DPY19L4: variants seen among roughly 807,000 people sequenced by gnomAD.
DPY19L4 encodes the protein dpy-19 like 4, also known as probable C-mannosyltransferase DPY19L4.
A neutral mutation model predicts 102.8 loss-of-function variants in DPY19L4; 97 were observed. The observed-to-expected ratio is 0.94, with a 90% CI of 0.80 to 1.12. The LOEUF (loss-of-function observed/expected upper bound fraction) is 1.12. Among genes scored for constraint, DPY19L4 ranks in the 50% most tolerant of loss-of-function variants. The pLI, the probability that DPY19L4 is intolerant of heterozygous loss-of-function variation, is 0.00. For missense variants in DPY19L4, 815 were observed against 850.4 expected (o/e 0.96, Z 0.52); for synonymous variants, 252 against 283.1 (o/e 0.89, Z 1.10).
Position 94,769,061 on chromosome 8 carries a change from TG to T in DPY19L4, c.1334+509del, listed in dbSNP as rs1242662591. Among the ~76,000 whole-genome samples, 29 of 147,484 alleles carry T rather than the reference TG, an allele frequency of 2.0e-4. 1 individual carries two copies. Among genetic ancestry groups the T allele is most frequent in the East Asian group, 3.9e-4 (2 of 5,092 alleles). On this transcript the variant is annotated intron_variant, in intron 12 of 18. Transcript: ENST00000414645. Reference sequence around the variant, plus strand: ...CAGAAAAATTTAAACTTAGTTTTTTTGTTTTTTTTTTTTTTTTGAGACGGAG... The same window carrying T: ...CAGAAAAATTTAAACTTAGTTTTTTTTTTTTTTTTTTTTTTTGAGACGGAG...
intron 18 of DPY19L4, among the ~76,000 whole-genome samples, chr8:94,788,279 T>C (rs1813744269): frequency 6.6e-6 from 1 of 152,028 alleles, no homozygotes; most frequent in African/African-American, 2.4e-5. Context: ...ATAATAATGG[T>C]ATTACCAATA....
rs762276307 is a variant in DPY19L4, at chr8:94,787,994, AG to A, written c.1951del (p.Val651TrpfsTer4). ...YLIVEDAICN[E>X]VGPMRGCRVK... The stretch of plus-strand genomic sequence containing the variant: ...ATTGTAGAGGATGCTATCTGCAATG[AG>A]GTGGGACCCATGAGAGGCTGTAGGG... On this transcript the variant is annotated frameshift_variant, in exon 18 of 19. Transcript: ENST00000414645. LOFTEE classifies it high-confidence loss of function. The A allele has an allele frequency of 2.0e-4, 305 of 1,516,088 alleles. No homozygotes were observed. Among genetic ancestry groups the A allele is most frequent in the Non-Finnish European group, 2.6e-4 (294 of 1,133,400 alleles). The allele number at this position is 1,516,088 out of a possible 1,614,324, so 93.9% of individuals were successfully genotyped here. A position where few individuals can be genotyped will look rare whatever the true frequency, so the allele number is the denominator to read the frequency against.
rs113472426 is a variant in DPY19L4 at position 94,763,179 on chromosome 8, C to T, written c.870+1345C>T. Among the ~76,000 whole-genome samples the T allele has an allele frequency of 3.9e-3, 592 of 151,298 alleles. 3 individuals are homozygous for T. Among genetic ancestry groups the T allele is most frequent in the African/African-American group, 0.013 (554 of 41,180 alleles). On this transcript the variant is annotated intron_variant, in intron 8 of 18. Transcript: ENST00000414645. ...AGCCAGGCTGATCTCGAACTCCTGA[C>T]CTTGTGATCTGCCCGCCTCAGCCTC...
chr8:94,785,892 A>C (rs1813630658), intron 17 of DPY19L4, among the ~76,000 whole-genome samples: 1 of 152,202 alleles, frequency 6.6e-6, no homozygotes, highest in Non-Finnish European at 1.5e-5. Context: ...GTCTTTTTCT[A>C]ATATGGAATT....
chr8:94,756,239 A>C (rs1445806510), intron 7 of DPY19L4, 80 bp downstream of exon 7: 1 of 1,538,744 alleles, frequency 6.5e-7, no homozygotes, highest in Non-Finnish European at 8.7e-7. Context: ...AATAAATTTT[A>C]GTCCTAGTAA....
Position 94,720,023 on chromosome 8 carries a change from C to T in DPY19L4, c.16+9C>T, listed in dbSNP as rs1282091899. The T allele has an allele frequency of 3.3e-6, 5 of 1,528,472 alleles. No individual in the cohort carries two copies. Among genetic ancestry groups the T allele is most frequent in the East Asian group, 2.6e-5 (1 of 38,132 alleles). The allele number at this position is 1,528,472 out of a possible 1,614,324, so 94.7% of individuals were successfully genotyped here. ...GATGGCGGAGGAAGAAGGTGATTGCCGCGGGGTCCAGCGCGCCAACGGCTG... is the reference window on the plus strand; with the variant it reads ...GATGGCGGAGGAAGAAGGTGATTGCTGCGGGGTCCAGCGCGCCAACGGCTG... On this transcript the variant is annotated intron_variant, in intron 1 of 18. Transcript: ENST00000414645.
Position 94,738,470 on chromosome 8 carries a change from C to A in DPY19L4, c.343+11C>A. 1 of 1,420,936 alleles carries A rather than the reference C, an allele frequency of 7.0e-7. No homozygotes were observed. Among genetic ancestry groups the A allele is most frequent in the Non-Finnish European group, 9.5e-7 (1 of 1,049,898 alleles). The allele number at this position is 1,420,936 out of a possible 1,614,324, so 88.0% of individuals were successfully genotyped here. ...CTTCATTTGAAAGAGGTATGATAATCACAGTTATATTTTTAATAACAGTAT... is the reference window on the plus strand; with the variant it reads ...CTTCATTTGAAAGAGGTATGATAATAACAGTTATATTTTTAATAACAGTAT... On this transcript the variant is annotated intron_variant, in intron 4 of 18. Transcript: ENST00000414645.
At chr8:94,742,629 G>T (rs1811498048) in intron 6 of DPY19L4, among the ~76,000 whole-genome samples, 1 of 150,712 alleles carries the variant, frequency 6.6e-6, no homozygotes, top group South Asian at 2.1e-4. Context: ...CGCGATCTTG[G>T]CTCACTGCAA....
At position 94,736,671 on chromosome 8, in the gene DPY19L4, T is replaced by C. The variant is rs529934184; in HGVS notation, c.253-1698T>C. Among the ~76,000 whole-genome samples the C allele has an allele frequency of 7.9e-5, 12 of 152,316 alleles. No individual in the cohort carries two copies. The South Asian group carries it at 8.3e-4, about 11-fold the overall frequency. Reference sequence around the variant, plus strand: ...TAAGGTGATTTTTACTATTATATTCTTAGTTCTATTAGCCTGATTGTAGGA... The same window carrying C: ...TAAGGTGATTTTTACTATTATATTCCTAGTTCTATTAGCCTGATTGTAGGA... On this transcript the variant is annotated intron_variant, in intron 3 of 18. Coordinates refer to ENST00000414645, the MANE Select transcript of DPY19L4 (RefSeq NM_181787.3).
chr8:94,774,810 C>T (rs1228418172), intron 13 of DPY19L4, among the ~76,000 whole-genome samples: 1 of 152,116 alleles, frequency 6.6e-6, no homozygotes, highest in Non-Finnish European at 1.5e-5. Context: ...CTCCCAACCT[C>T]AGGTGATCTG....
intron 11 of DPY19L4, among the ~76,000 whole-genome samples, chr8:94,767,393 A>G (rs1812722771): frequency 6.7e-6 from 1 of 149,730 alleles, no homozygotes; most frequent in Admixed American, 6.8e-5. Context: ...TCCTGGGTTC[A>G]TGCTATTCTC....
chr8:94,772,262 G>A (rs953084526), intron 13 of DPY19L4, among the ~76,000 whole-genome samples: 10 of 152,206 alleles, frequency 6.6e-5, no homozygotes, highest in African/African-American at 2.4e-4. Context: ...CACAGTCTAG[G>A]AATGTGTGCT....
At chr8:94,722,731 A>G (rs946875163) in intron 1 of DPY19L4, among the ~76,000 whole-genome samples, 3 of 152,232 alleles carry the variant, frequency 2.0e-5, no homozygotes. Flanking sequence ...TTCCCCCAGA[A>G]TCCGTATTAT....
At chr8:94,748,780 G>A (rs897941590) in intron 6 of DPY19L4, among the ~76,000 whole-genome samples, 2 of 152,166 alleles carry the variant, frequency 1.3e-5, no homozygotes, top group Non-Finnish European at 2.9e-5. Context: ...ATTGTGAACT[G>A]CGCATTTGAG....
intron 6 of DPY19L4, among the ~76,000 whole-genome samples, chr8:94,750,243 G>A (rs1303596731): frequency 1.3e-5 from 2 of 152,076 alleles, no homozygotes; most frequent in Non-Finnish European, 2.9e-5. Flanking sequence ...CGTGGTTCAT[G>A]TTTTAAAAAA....
chr8:94,784,054 C>T (rs1270445681), intron 17 of DPY19L4, among the ~76,000 whole-genome samples: 1 of 152,076 alleles, frequency 6.6e-6, no homozygotes, highest in Admixed American at 6.5e-5. Context: ...CTTAATTTTC[C>T]ACAAAGTATC....
At chr8:94,724,899 T>C (rs1254209666) in intron 1 of DPY19L4, among the ~76,000 whole-genome samples, 1 of 152,178 alleles carries the variant, frequency 6.6e-6, no homozygotes, top group Non-Finnish European at 1.5e-5. Flanking sequence ...AATAATGTCA[T>C]TTTAAAATAT....
At chr8:94,731,055 CAAA>C (rs57246749) in intron 2 of DPY19L4, among the ~76,000 whole-genome samples, 1,991 of 103,262 alleles carry the variant, frequency 0.019, 50 homozygotes, top group African/African-American at 0.065. Context: ...AACTCTGTCT[CAAA>C]AAAAAAAAAA....
In DPY19L4 at chr8:94,738,159, A is replaced by G. The variant is rs1041142184; in HGVS notation, c.253-210A>G. On this transcript the variant is annotated intron_variant, in intron 3 of 18. Coordinates refer to ENST00000414645, the MANE Select transcript of DPY19L4 (RefSeq NM_181787.3). ...CGGTGAAACCCCATCTCTACTAAAA[A>G]TACAAAAAAATAGCCGGGCGTGGTG... 2.0e-5 allele frequency among the ~76,000 whole-genome samples: 3 copies of G among 151,856 alleles called. No individual in the cohort carries two copies. In the East Asian group the frequency reaches 5.9e-4, roughly 30 times the overall value.
Sources: allele counts gnomAD v4.1 joint callset (sites outside exome capture counted in the v4.1 genomes callset), GRCh38; gene constraint gnomAD v4.1.1; transcripts MANE v1.5; gene names NCBI Gene and HGNC (gene_info 2026-07-23, HGNC 2026-07-21).